Variants in ARHGDIG observed in about 807,000 individuals in gnomAD.
The protein encoded by ARHGDIG is rho GDP-dissociation inhibitor 3.
In ARHGDIG, 14 loss-of-function variants were observed where a neutral mutation model predicts 20.2. The ratio of observed to expected loss-of-function variants is 0.69; its 90% CI spans 0.46 to 1.08. The LOEUF (loss-of-function observed/expected upper bound fraction) is 1.08, where lower values mean the gene tolerates loss of function less well. Among genes scored for constraint, ARHGDIG ranks in the 50% least tolerant of loss-of-function variants. The probability of loss-of-function intolerance (pLI) is 0.00; values close to 1 mark genes in which losing one functional copy is unlikely to be tolerated. For missense variants in ARHGDIG, 311 were observed against 301.8 expected (o/e 1.03, Z -0.23); for synonymous variants, 193 against 138.6 (o/e 1.39, Z -2.76).
chr16:281,995 G>T, intron 2 of ARHGDIG, 30 bp from the exon 3 acceptor site: 1 of 1,568,138 alleles, frequency 6.4e-7, no homozygotes. Flanking sequence ...GGGGTGGGGG[G>T]CATCCTGCAG....
At position 280,624 on chromosome 16, in the gene ARHGDIG, C is replaced by A; in HGVS notation, c.-57C>A. ...CGGGGCTGAGCGCCGAGCGGGGCGG[C>A]GGCGGGGCGGGCGGCGGCTCCTCGG... On this transcript the variant is annotated 5_prime_UTR_variant, in exon 1 of 6. Coordinates refer to ENST00000219409, the MANE Select transcript of ARHGDIG (RefSeq NM_001176.4). This position sits in a 1 kb window ranked among gnomAD's most constrained non-coding sequence, Gnocchi z 6.6. 4 of 820,150 alleles carry A rather than the reference C, an allele frequency of 4.9e-6. No individual in the cohort carries two copies. Among genetic ancestry groups the A allele is most frequent in the Non-Finnish European group, 5.8e-6 (4 of 685,952 alleles). The allele number at this position is 820,150 out of a possible 1,614,324, so 50.8% of individuals were successfully genotyped here.
At chr16:281,688 G>T in intron 1 of ARHGDIG, 58 bp from the exon 2 acceptor site, 2 of 1,492,498 alleles carry the variant, frequency 1.3e-6, no homozygotes, top group African/African-American at 1.4e-5. Flanking sequence ...GCTCCAGCCT[G>T]GTGCTCGAAT....
Position 282,647 on chromosome 16 carries a change from G to T in ARHGDIG, c.511G>T (p.Gly171Cys), listed in dbSNP as rs1487958591. 6.3e-7 allele frequency: 1 copy of T among 1,599,586 alleles called. No homozygotes were observed. The highest frequency in any genetic ancestry group is 1.1e-5 in the South Asian group (1 of 88,898). The change falls in exon 6 of 6, where the codon GGC (glycine) becomes TGC (cysteine). Residue 171 changes from glycine to cysteine, a missense_variant. By Grantham distance (159) the Gly-to-Cys change is radical. Coordinates refer to ENST00000219409, the MANE Select transcript of ARHGDIG (RefSeq NM_001176.4). ...GACCGTCTACATGGTGGGCAGCTAT[G>T]GCCCGAGCGCCCAGGAGTATGAGTT... ...DKTVYMVGSY[G>C]PSAQEYEFVT... is the part of the protein sequence containing the mutation.
intron 1 of ARHGDIG, 197 bp from the exon 2 acceptor site, chr16:281,548 TC>T: frequency 1.7e-6 from 1 of 586,350 alleles, no homozygotes; most frequent in Non-Finnish European, 2.9e-6. Context: ...TGGAGGCCCC[TC>T]CTGAAGGTCT....
chr16:282,558 C>CGGGGGGGGGGGGGGGAAGGGGGG, intron 5 of ARHGDIG, 28 bp downstream of exon 5: 1 of 1,310,078 alleles, frequency 7.6e-7, no homozygotes, highest in Non-Finnish European at 1.0e-6. Flanking sequence ...GGGAACGGGG[C>CGGGGGGGGGGGGGGGAAGGGGGG]GGGGGGGGGA....
intron 5 of ARHGDIG, 28 bp downstream of exon 5, chr16:282,558 C>CGGGGGGGGGGGCACGGGGG: frequency 1.5e-6 from 2 of 1,310,066 alleles, no homozygotes; most frequent in Non-Finnish European, 2.0e-6. Flanking sequence ...GGGAACGGGG[C>CGGGGGGGGGGGCACGGGGG]GGGGGGGGGA....
Position 280,639 on chromosome 16 carries a change from C to T in ARHGDIG, c.-42C>T, listed in dbSNP as rs1289501728. 5.8e-6 allele frequency: 5 copies of T among 855,002 alleles called. No homozygotes were observed. The African/African-American group carries it at 8.3e-5, about 14-fold the overall frequency. The allele number at this position is 855,002 out of a possible 1,614,324, so 53.0% of individuals were successfully genotyped here. On this transcript the variant is annotated 5_prime_UTR_variant, in exon 1 of 6. Transcript: ENST00000219409. This position sits in a 1 kb window ranked among gnomAD's most constrained non-coding sequence, Gnocchi z 6.6. Reference sequence around the variant, plus strand: ...AGCGGGGCGGCGGCGGGGCGGGCGGCGGCTCCTCGGCGGCTCCGCGGCGCC... The same window carrying T: ...AGCGGGGCGGCGGCGGGGCGGGCGGTGGCTCCTCGGCGGCTCCGCGGCGCC...
chr16:281,571 G>A (rs2052283145), intron 1 of ARHGDIG, 175 bp from the exon 2 acceptor site: 1 of 721,590 alleles, frequency 1.4e-6, no homozygotes. Flanking sequence ...GGTGCGGTGC[G>A]GCACCTCCCC....
chr16:281,418 A>C, intron 1 of ARHGDIG: 1 of 257,928 alleles, frequency 3.9e-6, no homozygotes, highest in African/African-American at 2.3e-5. Flanking sequence ...TCTAGCAGGT[A>C]GCCCCTGACC....
rs1037837055 is a variant in ARHGDIG at position 280,902 on chromosome 16, T to C, written c.73+149T>C. 3.9e-5 allele frequency: 13 copies of C among 336,032 alleles called. No homozygotes were observed. Among genetic ancestry groups the C allele is most frequent in the African/African-American group, 2.5e-4 (11 of 44,470 alleles). The allele number at this position is 336,032 out of a possible 1,614,324, so 20.8% of individuals were successfully genotyped here. Reference sequence around the variant, plus strand: ...GGTCTGGCAGGGGTGGGGGACTTCATCCAGGCTCCAGCCCTGTGGGGAAGG... The same window carrying C: ...GGTCTGGCAGGGGTGGGGGACTTCACCCAGGCTCCAGCCCTGTGGGGAAGG... On this transcript the variant is annotated intron_variant, in intron 1 of 5. Transcript: ENST00000219409. The surrounding 1 kb of genome is among the most constrained non-coding windows in gnomAD (Gnocchi z 6.6).
rs370015159 is a variant in ARHGDIG, at chr16:282,606, C to T, written c.479-9C>T. The T allele has an allele frequency of 1.8e-5, 28 of 1,589,902 alleles. No individual in the cohort carries two copies. The African/African-American group carries it at 2.9e-4, about 17-fold the overall frequency. On this transcript the variant is annotated splice_polypyrimidine_tract_variant and intron_variant, in intron 5 of 5. Transcript: ENST00000219409. Reference sequence around the variant, plus strand: ...CAGAGGACAGCTCTGATGCCCTCGCCCTCCCTAGTGGACAAGACCGTCTAC... The same window carrying T: ...CAGAGGACAGCTCTGATGCCCTCGCTCTCCCTAGTGGACAAGACCGTCTAC...
chr16:282,740 T>C lies in ARHGDIG; in HGVS notation c.604T>C (p.Phe202Leu). The change falls in exon 6 of 6, where the codon TTC becomes CTC. Residue 202 changes from phenylalanine to leucine, a missense_variant. Physicochemically the swap from Phe to Leu is conservative, Grantham distance 22. Coordinates refer to ENST00000219409, the MANE Select transcript of ARHGDIG (RefSeq NM_001176.4). ...GGGCCCCTATCTGGTGGTGTCCCTCTTCACCGACGATGACAGGACGCACCA... is the reference window on the plus strand; with the variant it reads ...GGGCCCCTATCTGGTGGTGTCCCTCCTCACCGACGATGACAGGACGCACCA... ...VRGPYLVVSL[F>L]TDDDRTHHLS... is the part of the protein sequence containing the mutation. 1 of 1,607,100 alleles carries C rather than the reference T, an allele frequency of 6.2e-7. No homozygotes were observed. The highest frequency in any genetic ancestry group is 2.2e-5 in the East Asian group (1 of 44,800).
Position 281,634 on chromosome 16 carries a change from C to T in ARHGDIG, c.74-112C>T. The T allele has an allele frequency of 1.6e-6, 2 of 1,280,358 alleles. 1 individual carries two copies. Among genetic ancestry groups the T allele is most frequent in the South Asian group, 3.0e-5 (2 of 66,136 alleles). The allele number at this position is 1,280,358 out of a possible 1,614,324, so 79.3% of individuals were successfully genotyped here. A position where few individuals can be genotyped will look rare whatever the true frequency, so the allele number is the denominator to read the frequency against. On this transcript the variant is annotated intron_variant, in intron 1 of 5. Transcript: ENST00000219409. ...TCTCCCTGAGCCCCCAGAGGCTTCC[C>T]TTGAGTCCCTTTGGATAGTGGGAGG...
At chr16:282,575 G>T in intron 5 of ARHGDIG, 40 bp from the exon 6 acceptor site, 1 of 1,556,536 alleles carries the variant, frequency 6.4e-7, no homozygotes, top group Admixed American at 1.9e-5. Flanking sequence ...GGGAAGCGGG[G>T]GCAGACAGAG....
In ARHGDIG at chr16:282,190, G is replaced by A. The variant is rs1001017192; in HGVS notation, c.337+82G>A. ...TGCACCCCTGAGTTCCGAGCCCTGG[G>A]CCATCACAGTCGCACACCTCATGGG... is the stretch of plus-strand genomic sequence containing the variant. On this transcript the variant is annotated intron_variant, in intron 3 of 5. Coordinates refer to ENST00000219409, the MANE Select transcript of ARHGDIG (RefSeq NM_001176.4). 3.1e-6 allele frequency: 5 copies of A among 1,605,706 alleles called. No individual in the cohort carries two copies. The African/African-American group carries it at 4.0e-5, about 13-fold the overall frequency.
chr16:282,714 G>A lies in ARHGDIG; in HGVS notation c.578G>A (p.Arg193Gln), dbSNP rs754881737. 13 of 1,604,072 alleles carry A rather than the reference G, an allele frequency of 8.1e-6. No homozygotes were observed. Among genetic ancestry groups the A allele is most frequent in the Admixed American group, 6.8e-5 (4 of 59,166 alleles). The change falls in exon 6 of 6, where the codon CGG (arginine) becomes CAG (glutamine). Residue 193 changes from arginine (R) to glutamine (Q), a missense_variant. Coordinates refer to ENST00000219409, the MANE Select transcript of ARHGDIG (RefSeq NM_001176.4). ...GAAGCGCCGAGGGGTGCGCTGGTGC[G>A]GGGCCCCTATCTGGTGGTGTCCCTC... ...VEEAPRGALV[R>Q]GPYLVVSLFT...
Position 282,898 on chromosome 16 carries a change from G to T in ARHGDIG, c.*84G>T. On this transcript the variant is annotated 3_prime_UTR_variant, in exon 6 of 6. Coordinates refer to ENST00000219409, the MANE Select transcript of ARHGDIG (RefSeq NM_001176.4). ...CCCCAGCACCCCCCGTGAGTGACCA[G>T]ACCCTCCCCTGCTGCCCCTGCTGCC... 1 of 1,371,378 alleles carries T rather than the reference G, an allele frequency of 7.3e-7. No individual in the cohort carries two copies. Among genetic ancestry groups the T allele is most frequent in the South Asian group, 1.4e-5 (1 of 71,954 alleles). The allele number at this position is 1,371,378 out of a possible 1,614,324, so 85.0% of individuals were successfully genotyped here.
intron 1 of ARHGDIG, 50 bp from the exon 2 acceptor site, chr16:281,695 GA>G: frequency 6.6e-7 from 1 of 1,503,854 alleles, no homozygotes. Flanking sequence ...CCTGGTGCTC[GA>G]ATGCCAGGGT....
intron 1 of ARHGDIG, 121 bp from the exon 2 acceptor site, chr16:281,625 G>C: frequency 8.3e-7 from 1 of 1,207,690 alleles, no homozygotes; most frequent in Non-Finnish European, 1.1e-6. Flanking sequence ...TGAGCCCCCA[G>C]AGGCTTCCCT....
Sources: allele counts gnomAD v4.1 joint callset, GRCh38; gene constraint gnomAD v4.1.1; non-coding constraint Gnocchi (gnomAD v3.1); transcripts MANE v1.5; gene names NCBI Gene and HGNC (gene_info 2026-07-23, HGNC 2026-07-21).